The following PPM1H variants were observed in gnomAD, a reference collection of about 807,000 sequenced individuals.
PPM1H encodes the protein protein phosphatase, Mg2+/Mn2+ dependent 1H.
Under a neutral mutation model 54.9 loss-of-function variants are expected in PPM1H, and 27 were observed. That is an observed-to-expected ratio of 0.49 (90% confidence interval 0.36 to 0.68). PPM1H has a LOEUF of 0.68. Among genes scored for constraint, PPM1H ranks in the 30% least tolerant of loss-of-function variants. The pLI, the probability that PPM1H is intolerant of heterozygous loss-of-function variation, is 0.00. For missense variants in PPM1H, 596 were observed against 667.8 expected, an observed-to-expected ratio of 0.89 and a Z score of 1.19; for synonymous variants, 305 against 270.8, an observed-to-expected ratio of 1.13 and a Z score of -1.24.
intron 1 of PPM1H, among the ~76,000 whole-genome samples, chr12:62,867,562 C>CTTTTT (rs1481926545): frequency 2.0e-5 from 2 of 101,876 alleles, no homozygotes; most frequent in African/African-American, 9.0e-5. Context: ...CTTATGAGCA[C>CTTTTT]TATTTTTTTT....
chr12:62,760,426 G>C (rs1375031551), intron 4 of PPM1H, among the ~76,000 whole-genome samples: 1 of 151,958 alleles, frequency 6.6e-6, no homozygotes, highest in African/African-American at 2.4e-5. Flanking sequence ...TCCTCCTCCG[G>C]TCGCTCCCTG....
chr12:62,914,863 CTTATTCCCAAACAGTCCCACAATCTA>C, intron 1 of PPM1H, among the ~76,000 whole-genome samples: 1 of 152,288 alleles, frequency 6.6e-6, no homozygotes, highest in South Asian at 2.1e-4. Context: ...ATCTCTCTTC[CTTATTCCCAAACAGTCCCACAATCTA>C]TTAGCTTTAC....
chr12:62,840,708 T>A (rs937347014), intron 1 of PPM1H, among the ~76,000 whole-genome samples: 2 of 152,170 alleles, frequency 1.3e-5, no homozygotes, highest in African/African-American at 4.8e-5. Flanking sequence ...GTGACCTAAG[T>A]ATTGGCTTGG....
At chr12:62,699,492 C>T (rs183790775) in intron 6 of PPM1H, among the ~76,000 whole-genome samples, 3 of 152,348 alleles carry the variant, frequency 2.0e-5, no homozygotes, top group East Asian at 1.9e-4. Flanking sequence ...GCCACTACAC[C>T]GGGCAATTTC....
At chr12:62,792,196 G>C (rs959216339) in intron 3 of PPM1H, among the ~76,000 whole-genome samples, 14 of 152,074 alleles carry the variant, frequency 9.2e-5, no homozygotes, top group African/African-American at 3.4e-4. Flanking sequence ...TAATGCTTAG[G>C]GGAAAAAATC....
At chr12:62,659,927 C>A (rs1182706520) in intron 9 of PPM1H, among the ~76,000 whole-genome samples, 4 of 152,180 alleles carry the variant, frequency 2.6e-5, no homozygotes, top group Non-Finnish European at 5.9e-5. Flanking sequence ...TTGGTCAGTT[C>A]CCTCAGGCTT....
chr12:62,792,583 T>C (rs959268139), intron 3 of PPM1H, among the ~76,000 whole-genome samples: 2 of 152,228 alleles, frequency 1.3e-5, no homozygotes, highest in African/African-American at 4.8e-5. Flanking sequence ...TCTGGGATCA[T>C]GGTGGGAAGG....
chr12:62,859,653 A>C (rs759403533), intron 1 of PPM1H, among the ~76,000 whole-genome samples: 2 of 152,210 alleles, frequency 1.3e-5, no homozygotes, highest in Non-Finnish European at 2.9e-5. Context: ...CAAAGCCTTC[A>C]AGGCTTTGCA....
chr12:62,891,906 TG>T (rs1373575480), intron 1 of PPM1H, among the ~76,000 whole-genome samples: 1 of 152,224 alleles, frequency 6.6e-6, no homozygotes, highest in Non-Finnish European at 1.5e-5. Context: ...TTCTTCAGTT[TG>T]GCTGAAGTGT....
chr12:62,825,508 A>G (rs149853982), intron 2 of PPM1H, among the ~76,000 whole-genome samples: 2,631 of 152,324 alleles, frequency 0.017, 83 homozygotes, highest in African/African-American at 0.06. Context: ...GATAGACTGG[A>G]TTAAGAAAAT....
At chr12:62,669,002 C>G (rs1348870391) in intron 8 of PPM1H, among the ~76,000 whole-genome samples, 1 of 152,216 alleles carries the variant, frequency 6.6e-6, no homozygotes, top group African/African-American at 2.4e-5. Flanking sequence ...GCCTTTGTGG[C>G]CTGTGAACAA....
At chr12:62,693,883 G>A (rs984859492) in intron 7 of PPM1H, 53 bp downstream of exon 7, 13 of 1,531,132 alleles carry the variant, frequency 8.5e-6, no homozygotes, top group East Asian at 4.6e-5. Context: ...TATGTGGAGC[G>A]AAGGCGGGAC....
chr12:62,707,705 A>C (rs983416393), intron 6 of PPM1H, among the ~76,000 whole-genome samples: 1 of 152,214 alleles, frequency 6.6e-6, no homozygotes, highest in African/African-American at 2.4e-5. Context: ...TTTGTATGAA[A>C]CTGTAATCAT....
At chr12:62,759,844 G>A (rs1351830688) in intron 4 of PPM1H, among the ~76,000 whole-genome samples, 1 of 150,454 alleles carries the variant, frequency 6.6e-6, no homozygotes, top group African/African-American at 2.5e-5. Flanking sequence ...CCACTTTCCT[G>A]GGGGGCAAGC....
chr12:62,687,832 A>C (rs962506189), intron 8 of PPM1H, among the ~76,000 whole-genome samples: 15 of 151,994 alleles, frequency 9.9e-5, no homozygotes, highest in Non-Finnish European at 1.6e-4. Context: ...AACATGGTGA[A>C]ACCCTGTCTC....
chr12:62,927,371 T>C (rs1236245533), intron 1 of PPM1H, among the ~76,000 whole-genome samples: 1 of 152,122 alleles, frequency 6.6e-6, no homozygotes, highest in Non-Finnish European at 1.5e-5. Context: ...TAAGAATATA[T>C]GTTGGAGGCC....
At chr12:62,713,562 G>T (rs1305966796) in intron 6 of PPM1H, among the ~76,000 whole-genome samples, 1 of 152,194 alleles carries the variant, frequency 6.6e-6, no homozygotes, top group African/African-American at 2.4e-5. Context: ...ATCAGGAAAG[G>T]GGTGTGAAGC....
At chr12:62,659,240 CAT>C in intron 9 of PPM1H, 1 of 291,590 alleles carries the variant, frequency 3.4e-6, no homozygotes, top group Non-Finnish European at 6.5e-6. Flanking sequence ...CTCATGTGCA[CAT>C]TGTGTTCTAA....
intron 4 of PPM1H, among the ~76,000 whole-genome samples, chr12:62,755,047 C>T (rs994859993): frequency 2.0e-5 from 3 of 152,270 alleles, no homozygotes; most frequent in African/African-American, 4.8e-5. Flanking sequence ...GGCCAAGGAG[C>T]GACCTGGATG....
Sources: allele counts gnomAD v4.1 joint callset (sites outside exome capture counted in the v4.1 genomes callset), GRCh38; gene constraint gnomAD v4.1.1; transcripts MANE v1.5; gene names NCBI Gene and HGNC (gene_info 2026-07-23, HGNC 2026-07-21).